The following PRCC variants were observed in gnomAD, a reference collection of about 807,000 sequenced individuals.
PRCC encodes proline-rich protein PRCC.
A neutral mutation model predicts 44.0 loss-of-function variants in PRCC; 10 were observed. The observed-to-expected ratio is 0.23, with a 90% CI of 0.14 to 0.39. The LOEUF (loss-of-function observed/expected upper bound fraction) is 0.39. Among genes scored for constraint, PRCC ranks in the 10% least tolerant of loss-of-function variants. PRCC has a pLI of 1.00. For synonymous variants in PRCC, 278 were observed against 259.5 expected (o/e 1.07, Z -0.69); for missense variants, 573 against 624.7 (o/e 0.92, Z 0.88).
At chr1:156,799,639 T>TGTA (rs1366555329) in intron 6 of PRCC, among the ~76,000 whole-genome samples, 1 of 152,318 alleles carries the variant, frequency 6.6e-6, no homozygotes, top group East Asian at 1.9e-4. Context: ...GGAAAGGATT[T>TGTA]GAGAGTAGGA....
chr1:156,791,469 T>TG (rs1652469414), intron 3 of PRCC: 4 of 558,456 alleles, frequency 7.2e-6, no homozygotes, highest in Non-Finnish European at 1.3e-5. Flanking sequence ...TCCTAAAAAA[T>TG]ATCCATCTGT....
chr1:156,780,553 C>T (rs1161656821), intron 1 of PRCC, among the ~76,000 whole-genome samples: 1 of 151,704 alleles, frequency 6.6e-6, no homozygotes, highest in South Asian at 2.1e-4. Flanking sequence ...CTCCTAGGCT[C>T]AGGTGACCCA....
chr1:156,797,448 A>G (rs1652694840), intron 6 of PRCC, 107 bp downstream of exon 6: 2 of 1,327,102 alleles, frequency 1.5e-6, no homozygotes, highest in Non-Finnish European at 2.1e-6. Flanking sequence ...TTAGCAGCCC[A>G]TCTTTTAGCA....
At position 156,784,172 on chromosome 1, in the gene PRCC, C is replaced by T. The variant is rs544706055; in HGVS notation, c.516+1843C>T. Among the ~76,000 whole-genome samples the T allele has an allele frequency of 7.3e-4, 111 of 152,266 alleles. 1 individual carries two copies. The highest frequency in any genetic ancestry group is 2.4e-3 in the African/African-American group (99 of 41,540). ...CCGTGTTAGCCAGGATGGTCTCGAT[C>T]TCCTGACCTCGTGATCTGCCCATCT... On this transcript the variant is annotated intron_variant, in intron 2 of 6. Coordinates refer to ENST00000271526, the MANE Select transcript of PRCC (RefSeq NM_005973.5).
chr1:156,785,338 C>A (rs376580428), intron 2 of PRCC, among the ~76,000 whole-genome samples: 2 of 151,896 alleles, frequency 1.3e-5, no homozygotes, highest in African/African-American at 4.8e-5. Context: ...GGTAAAACCC[C>A]GTCTCTACTA....
chr1:156,792,344 G>A (rs924414690), intron 4 of PRCC, among the ~76,000 whole-genome samples: 10 of 152,050 alleles, frequency 6.6e-5, no homozygotes, highest in Non-Finnish European at 1.5e-4. Flanking sequence ...ACTTCCCCTC[G>A]CTTTCTAGGA....
intron 4 of PRCC, 73 bp downstream of exon 4, chr1:156,791,865 T>A: frequency 2.2e-6 from 3 of 1,378,042 alleles, no homozygotes; most frequent in African/African-American, 1.5e-5. Flanking sequence ...CCAAAGGAAA[T>A]TAAAAAAACA....
At chr1:156,791,140 G>C in intron 3 of PRCC, 2 of 1,418,788 alleles carry the variant, frequency 1.4e-6, no homozygotes, top group Non-Finnish European at 1.9e-6. Context: ...TCTGGTAAAC[G>C]AACCTGCTTT....
chr1:156,767,668 G>T lies in PRCC; in HGVS notation c.-104G>T, dbSNP rs1651445131. 31 of 1,249,198 alleles carry T rather than the reference G, an allele frequency of 2.5e-5. No individual in the cohort carries two copies. Among genetic ancestry groups the T allele is most frequent in the Non-Finnish European group, 2.8e-5 (26 of 917,358 alleles). 77.4% of individuals were successfully genotyped at this position (1,249,198 alleles called of 1,614,324 possible). On this transcript the variant is annotated 5_prime_UTR_variant, in exon 1 of 7. Coordinates refer to ENST00000271526, the MANE Select transcript of PRCC (RefSeq NM_005973.5). Reference sequence around the variant, plus strand: ...GAGTACGGAGCAGGCGGACTTTTCGGTTCCCCGCCCCGCCAGGTGGCGGGG... The same window carrying T: ...GAGTACGGAGCAGGCGGACTTTTCGTTTCCCCGCCCCGCCAGGTGGCGGGG...
At chr1:156,778,213 C>T (rs1409213338) in intron 1 of PRCC, among the ~76,000 whole-genome samples, 2 of 152,156 alleles carry the variant, frequency 1.3e-5, no homozygotes, top group Admixed American at 6.6e-5. Flanking sequence ...CAGTGGTAAC[C>T]ACCATTGTAC....
intron 1 of PRCC, among the ~76,000 whole-genome samples, chr1:156,773,349 A>G (rs1469505793): frequency 6.6e-6 from 1 of 151,898 alleles, no homozygotes; most frequent in Non-Finnish European, 1.5e-5. Context: ...CTTAATGGAA[A>G]ATGTCTGTTT....
At chr1:156,774,820 C>T (rs543611258) in intron 1 of PRCC, among the ~76,000 whole-genome samples, 32 of 151,710 alleles carry the variant, frequency 2.1e-4, no homozygotes, top group Non-Finnish European at 2.6e-4. Context: ...GGCGTGGTGG[C>T]GCATACCTGT....
At position 156,794,821 on chromosome 1, in the gene PRCC, C is replaced by T. The variant is rs374262867; in HGVS notation, c.1323+13C>T. 2.4e-5 allele frequency: 38 copies of T among 1,614,040 alleles called. No individual in the cohort carries two copies. Among genetic ancestry groups the T allele is most frequent in the Non-Finnish European group, 2.9e-5 (34 of 1,179,966 alleles). On this transcript the variant is annotated intron_variant, in intron 5 of 6. Transcript: ENST00000271526. The stretch of plus-strand genomic sequence containing the variant: ...GTCATTCAGCAAAGTAAGTGGGAAA[C>T]GTCTATTGAGTGGTCAGCTTGGGAA...
At chr1:156,775,325 T>C (rs1651786206) in intron 1 of PRCC, among the ~76,000 whole-genome samples, 2 of 151,524 alleles carry the variant, frequency 1.3e-5, no homozygotes, top group Admixed American at 6.6e-5. Flanking sequence ...TGGGCTCAAG[T>C]GATCCTCCTG....
At position 156,767,813 on chromosome 1, in the gene PRCC, G is replaced by A. The variant is rs143726219; in HGVS notation, c.42G>A (p.Pro14=). 2.0e-3 allele frequency: 3,221 copies of A among 1,609,996 alleles called. 40 individuals carry two copies. In the South Asian group the frequency reaches 0.021, roughly 10 times the overall value. The change falls in exon 1 of 7, where the codon CCG becomes CCA. Residue 14 remains proline (P), a synonymous_variant. Transcript: ENST00000271526. The part of the protein sequence containing the change: ...VAYASSDESE[P]DEAEPEPEEE... ...ACGCCAGCAGCGATGAGAGCGAGCC[G>A]GATGAGGCTGAGCCCGAGCCGGAGG...
Position 156,767,883 on chromosome 1 carries a change from T to C in PRCC, c.112T>C (p.Leu38=). The stretch of plus-strand genomic sequence containing the variant: ...TACATCTGGGCCCGCTTTAGGGGGC[T>C]TGTTCGCTTCTCTCCCTGCGCCCAA... ...APTSGPALGG[L]FASLPAPKGP... Residue 38 remains leucine, a synonymous_variant, in exon 1 of 7, where the codon TTG becomes CTG. Coordinates refer to ENST00000271526, the MANE Select transcript of PRCC (RefSeq NM_005973.5). The C allele has an allele frequency of 1.2e-6, 2 of 1,605,314 alleles. No homozygotes were observed. Among genetic ancestry groups the C allele is most frequent in the Non-Finnish European group, 1.7e-6 (2 of 1,176,884 alleles).
chr1:156,785,238 G>A (rs919536933), intron 2 of PRCC, among the ~76,000 whole-genome samples: 2 of 152,242 alleles, frequency 1.3e-5, no homozygotes, highest in Middle Eastern at 3.4e-3. Context: ...TAGGCCGGGC[G>A]CTGTGGCTCA....
In PRCC at chr1:156,797,411, C is replaced by T. The variant is rs151196513; in HGVS notation, c.1389+70C>T. The stretch of plus-strand genomic sequence containing the variant: ...ATCTGGGAATTTGAAGGCTGAGATA[C>T]GAGTTAGAAGCCCAGATGCTTATCT... On this transcript the variant is annotated intron_variant, in intron 6 of 6. Transcript: ENST00000271526. 1,702 of 1,570,036 alleles carry T rather than the reference C, an allele frequency of 1.1e-3. 10 individuals carry two copies. The African/African-American group carries it at 0.016, about 15-fold the overall frequency.
intron 2 of PRCC, among the ~76,000 whole-genome samples, chr1:156,785,234 G>A (rs1197548853): frequency 3.9e-5 from 6 of 152,058 alleles, no homozygotes; most frequent in African/African-American, 1.2e-4. Context: ...CCCTTAGGCC[G>A]GGCGCTGTGG....
Sources: allele counts gnomAD v4.1 joint callset (sites outside exome capture counted in the v4.1 genomes callset), GRCh38; gene constraint gnomAD v4.1.1; transcripts MANE v1.5; gene names NCBI Gene and HGNC (gene_info 2026-07-23, HGNC 2026-07-21).